The following FIG4 variants were observed in gnomAD, a reference collection of about 807,000 sequenced individuals.
FIG4 encodes the protein polyphosphoinositide phosphatase.
A neutral mutation model predicts 118.6 loss-of-function variants in FIG4; 112 were observed. The ratio of observed to expected loss-of-function variants is 0.94; its 90% confidence interval spans 0.81 to 1.11. FIG4 has a LOEUF of 1.11. Among genes scored for constraint, FIG4 ranks in the 50% least tolerant of loss-of-function variants. The pLI, the probability that FIG4 is intolerant of heterozygous loss-of-function variation, is 0.00. For missense variants in FIG4, 969 were observed against 1,111.7 expected (o/e 0.87, Z 1.83); for synonymous variants, 369 against 381.2 (o/e 0.97, Z 0.37).
Position 109,792,584 on chromosome 6 carries a change from T to C in FIG4, c.2379T>C (p.Asn793=). The C allele has an allele frequency of 1.9e-6, 3 of 1,580,874 alleles. No homozygotes were observed. Among genetic ancestry groups the C allele is most frequent in the African/African-American group, 2.7e-5 (2 of 74,216 alleles). The change falls in exon 21 of 23, where the codon AAT becomes AAC. Residue 793 remains asparagine (N), a splice_region_variant and synonymous_variant. Coordinates refer to ENST00000230124, the MANE Select transcript of FIG4 (RefSeq NM_014845.6). ...TCTTTTTTTTTTTTAAACCCCAGAA[T>C]GTGGTCCAACCCATGAAGGAGCTAT... The part of the protein sequence containing the change: ...DAGDSAKVTE[N]VVQPMKELYG...
chr6:109,737,989 A>G (rs1358135823), intron 6 of FIG4, among the ~76,000 whole-genome samples: 1 of 152,156 alleles, frequency 6.6e-6, no homozygotes, highest in Non-Finnish European at 1.5e-5. Flanking sequence ...CTCAACCGCT[A>G]CTTCCTGCCA....
chr6:109,720,965 T>TGG (rs139375242), intron 3 of FIG4, among the ~76,000 whole-genome samples: 1,989 of 152,322 alleles, frequency 0.013, 31 homozygotes, highest in Non-Finnish European at 0.018. Context: ...GGCACATGAA[T>TGG]GGAATGACCT....
chr6:109,803,127 G>A (rs903029650), intron 22 of FIG4, among the ~76,000 whole-genome samples: 1 of 152,164 alleles, frequency 6.6e-6, no homozygotes, highest in Non-Finnish European at 1.5e-5. Flanking sequence ...CTAAGGGAGA[G>A]AGTATTGCCT....
chr6:109,727,408 G>A (rs984316652), intron 4 of FIG4, 143 bp downstream of exon 4: 25 of 676,672 alleles, frequency 3.7e-5, no homozygotes, highest in South Asian at 6.6e-5. Flanking sequence ...TTTTAATGTC[G>A]TAGATCAGGT....
intron 21 of FIG4, 152 bp downstream of exon 21, chr6:109,792,816 G>T: frequency 1.8e-6 from 1 of 558,630 alleles, no homozygotes; most frequent in Non-Finnish European, 3.1e-6. Flanking sequence ...CTCGGCTCCT[G>T]AGTAGCTGGG....
chr6:109,769,245 T>C (rs1339679987), intron 15 of FIG4, among the ~76,000 whole-genome samples: 1 of 151,960 alleles, frequency 6.6e-6, no homozygotes, highest in Non-Finnish European at 1.5e-5. Context: ...ATGTGCTTTT[T>C]AATAAGACTA....
chr6:109,735,022 C>T (rs1776118689), intron 5 of FIG4, 128 bp from the exon 6 acceptor site: 2 of 787,256 alleles, frequency 2.5e-6, no homozygotes, highest in Non-Finnish European at 4.3e-6. Flanking sequence ...ATTTGAATAG[C>T]ATTGCTTCCA....
intron 22 of FIG4, among the ~76,000 whole-genome samples, chr6:109,817,020 C>T (rs931071582): frequency 1.3e-5 from 2 of 152,172 alleles, no homozygotes; most frequent in Non-Finnish European, 2.9e-5. Context: ...CAAAAGGTCG[C>T]CGTATAAATG....
intron 18 of FIG4, among the ~76,000 whole-genome samples, chr6:109,787,934 T>TA (rs1361421636): frequency 1.3e-5 from 2 of 152,178 alleles, no homozygotes; most frequent in Admixed American, 6.5e-5. Flanking sequence ...TGATTCAACT[T>TA]ACGATTTTTC....
intron 10 of FIG4, among the ~76,000 whole-genome samples, chr6:109,756,774 C>T (rs1444745880): frequency 6.6e-6 from 1 of 152,212 alleles, no homozygotes; most frequent in Non-Finnish European, 1.5e-5. Flanking sequence ...CAAGACTTGG[C>T]TTTCAGCTCC....
At position 109,732,539 on chromosome 6, in the gene FIG4, G is replaced by A. The variant is rs183146629; in HGVS notation, c.447-98G>A. 337 of 715,464 alleles carry A rather than the reference G, an allele frequency of 4.7e-4. 1 individual carries two copies. The highest frequency in any genetic ancestry group is 2.8e-3 in the Middle Eastern group (8 of 2,844). The allele number at this position is 715,464 out of a possible 1,614,324, so 44.3% of individuals were successfully genotyped here. ...GGTTTGAATTCCTCAGCTTTAATGAGCATATTTACAAATATAAATGTACAT... is the reference window on the plus strand; with the variant it reads ...GGTTTGAATTCCTCAGCTTTAATGAACATATTTACAAATATAAATGTACAT... On this transcript the variant is annotated intron_variant, in intron 4 of 22. Transcript: ENST00000230124.
At chr6:109,738,831 A>G (rs1256927110) in intron 7 of FIG4, among the ~76,000 whole-genome samples, 1 of 152,024 alleles carries the variant, frequency 6.6e-6, no homozygotes, top group Non-Finnish European at 1.5e-5. Context: ...GATCAGGCCG[A>G]GCAGAGAGAG....
chr6:109,789,475 T>G (rs1030649004), intron 18 of FIG4, 119 bp from the exon 19 acceptor site: 1 of 766,804 alleles, frequency 1.3e-6, no homozygotes, highest in Non-Finnish European at 2.3e-6. Flanking sequence ...GCTCAGAATA[T>G]GTAATATGTA....
intron 15 of FIG4, among the ~76,000 whole-genome samples, chr6:109,767,121 G>A (rs1777303300): frequency 1.3e-5 from 2 of 152,114 alleles, no homozygotes; most frequent in South Asian, 4.1e-4. Context: ...CATAATTAGA[G>A]TTTTTATATA....
chr6:109,825,036 T>C, intron 22 of FIG4, 52 bp from the exon 23 acceptor site: 1 of 1,546,858 alleles, frequency 6.5e-7, no homozygotes, highest in Non-Finnish European at 8.9e-7. Flanking sequence ...CTCCCTGTGG[T>C]CCTTCCTTAT....
intron 15 of FIG4, among the ~76,000 whole-genome samples, chr6:109,770,841 A>G (rs1200210968): frequency 2.0e-5 from 3 of 152,180 alleles, no homozygotes; most frequent in Non-Finnish European, 4.4e-5. Context: ...GCAGAGACAA[A>G]TATCCAAACG....
At chr6:109,765,463 G>A (rs1396398223) in intron 14 of FIG4, among the ~76,000 whole-genome samples, 1 of 151,684 alleles carries the variant, frequency 6.6e-6, no homozygotes, top group Admixed American at 6.6e-5. Flanking sequence ...TGTTGAAGAG[G>A]GTGTCCTTTC....
chr6:109,715,002 C>CAA, intron 1 of FIG4, 76 bp from the exon 2 acceptor site: 1 of 766,188 alleles, frequency 1.3e-6, no homozygotes, highest in East Asian at 2.6e-5. Flanking sequence ...TATTTAATTT[C>CAA]AAAAACTAAA....
intron 16 of FIG4, among the ~76,000 whole-genome samples, chr6:109,780,150 T>G (rs1286371189): frequency 6.6e-6 from 1 of 152,202 alleles, no homozygotes; most frequent in Non-Finnish European, 1.5e-5. Flanking sequence ...CAGCTTTCTC[T>G]GAGAATCAGA....
Sources: gnomAD v4.1 joint callset for allele counts (sites outside exome capture counted in the v4.1 genomes callset) on GRCh38, gnomAD v4.1.1 for gene constraint, MANE v1.5 for transcripts, NCBI Gene and HGNC (gene_info 2026-07-23, HGNC 2026-07-21) for gene names.